The following CDH9 variants were observed in gnomAD, a reference collection of about 807,000 sequenced individuals.
CDH9 encodes the protein cadherin-9.
CDH9 carries 28 observed loss-of-function variants against 70.9 expected under a neutral mutation model. That is an observed-to-expected ratio of 0.40 (90% CI 0.29 to 0.54). CDH9 has a LOEUF of 0.54. CDH9 is among the 20% of genes least tolerant of loss of function. The pLI, the probability that CDH9 is intolerant of heterozygous loss-of-function variation, is 0.59. For synonymous variants in CDH9, 409 were observed against 343.1 expected, an observed-to-expected ratio of 1.19 and a Z score of -2.12; for missense variants, 874 against 984.4, an observed-to-expected ratio of 0.89 and a Z score of 1.50.
In CDH9 at chr5:26,927,431, G is replaced by A. The variant is rs570079786; in HGVS notation, c.229-11507C>T. Among the ~76,000 whole-genome samples, 18 of 151,924 alleles carry A rather than the reference G, an allele frequency of 1.2e-4. 1 individual carries two copies. The East Asian group carries it at 2.3e-3, about 20-fold the overall frequency. On this transcript the variant is annotated intron_variant, in intron 2 of 11. Transcript: ENST00000231021. ...GAAAGACATAAATGGCATCCAATGC[G>A]GATGCCATTATAATTAGGATAGCTT...
chr5:27,006,419 T>C (rs1034688669), intron 1 of CDH9, among the ~76,000 whole-genome samples: 1 of 152,018 alleles, frequency 6.6e-6, no homozygotes, highest in Admixed American at 6.6e-5. Context: ...AGGCAGGAGA[T>C]CAAGGGTAGG....
intron 1 of CDH9, among the ~76,000 whole-genome samples, chr5:27,026,409 TC>T (rs1232790234): frequency 6.6e-6 from 1 of 151,924 alleles, no homozygotes; most frequent in Non-Finnish European, 1.5e-5. Flanking sequence ...TATTTCCTTC[TC>T]CTCATTTGGA....
At chr5:27,010,178 T>G (rs1742932840) in intron 1 of CDH9, among the ~76,000 whole-genome samples, 1 of 152,140 alleles carries the variant, frequency 6.6e-6, no homozygotes, top group South Asian at 2.1e-4. Flanking sequence ...ATTTTGTTTT[T>G]CATTTGAAAT....
intron 2 of CDH9, among the ~76,000 whole-genome samples, chr5:26,985,657 C>T (rs1392039213): frequency 3.3e-5 from 5 of 151,978 alleles, no homozygotes; most frequent in African/African-American, 1.2e-4. Context: ...TATAAAGAAA[C>T]CATGTAAATT....
intron 1 of CDH9, among the ~76,000 whole-genome samples, chr5:26,993,996 G>A (rs989256229): frequency 6.6e-5 from 10 of 152,104 alleles, no homozygotes; most frequent in Non-Finnish European, 1.2e-4. Context: ...AGTTTGCCTT[G>A]TTGGGTTTTA....
chr5:26,926,391 G>C lies in CDH9; in HGVS notation c.229-10467C>G, dbSNP rs541217391. Among the ~76,000 whole-genome samples the C allele has an allele frequency of 4.6e-5, 7 of 152,240 alleles. 1 individual carries two copies. In the South Asian group the frequency reaches 1.5e-3, roughly 32 times the overall value. On this transcript the variant is annotated intron_variant, in intron 2 of 11. Coordinates refer to ENST00000231021, the MANE Select transcript of CDH9 (RefSeq NM_016279.4). ...TAGGAATCCAACCTACAAGGGATTT[G>C]AAGGACTTCTTCAAGGAAAACTACA...
intron 11 of CDH9, among the ~76,000 whole-genome samples, chr5:26,883,041 T>TTAGAGATATATATATA (rs1221330777): frequency 5.2e-5 from 3 of 58,040 alleles, no homozygotes; most frequent in Non-Finnish European, 9.8e-5. Flanking sequence ...CAGGATCATC[T>TTAGAGATATATATATA]TATATATATA....
At chr5:26,987,497 C>A (rs1232797695) in intron 2 of CDH9, among the ~76,000 whole-genome samples, 1 of 151,908 alleles carries the variant, frequency 6.6e-6, no homozygotes, top group Non-Finnish European at 1.5e-5. Flanking sequence ...GAAAGAGAGG[C>A]AATGAATCTG....
At position 26,920,375 on chromosome 5, in the gene CDH9, G is replaced by C. The variant is rs548338008; in HGVS notation, c.229-4451C>G. 1.7e-4 allele frequency among the ~76,000 whole-genome samples: 26 copies of C among 152,070 alleles called. No individual in the cohort carries two copies. In the South Asian group the frequency reaches 5.4e-3, roughly 32 times the overall value. ...GTAGAGAACCCACACAGATTTATAA[G>C]GTTCCTGACTTCAGGTCTTGGATAT... On this transcript the variant is annotated intron_variant, in intron 2 of 11. Transcript: ENST00000231021.
chr5:26,906,453 C>A (rs1041838014), intron 4 of CDH9, among the ~76,000 whole-genome samples: 12 of 151,854 alleles, frequency 7.9e-5, no homozygotes, highest in African/African-American at 2.7e-4. Context: ...TTCTCTATGC[C>A]ACATAATGTG....
chr5:26,949,708 AT>A (rs1442708164), intron 2 of CDH9, among the ~76,000 whole-genome samples: 2 of 152,216 alleles, frequency 1.3e-5, no homozygotes, highest in Non-Finnish European at 2.9e-5. Flanking sequence ...TAGGACTGAA[AT>A]AACATTCCTA....
At chr5:26,964,941 T>C (rs1007866034) in intron 2 of CDH9, among the ~76,000 whole-genome samples, 2 of 152,102 alleles carry the variant, frequency 1.3e-5, no homozygotes, top group African/African-American at 2.4e-5. Context: ...CTATATACTG[T>C]TATACTTAAG....
At chr5:26,882,601 A>G (rs1740485542) in intron 11 of CDH9, among the ~76,000 whole-genome samples, 1 of 152,072 alleles carries the variant, frequency 6.6e-6, no homozygotes, top group African/African-American at 2.4e-5. Context: ...TCCATTAAAG[A>G]TTGCACAAGC....
intron 1 of CDH9, among the ~76,000 whole-genome samples, chr5:27,005,997 G>A (rs1367623302): frequency 2.0e-5 from 3 of 151,880 alleles, no homozygotes; most frequent in Admixed American, 6.6e-5. Context: ...AGAAGGAAAC[G>A]ACAGACAATA....
chr5:26,993,038 G>C (rs145115595), intron 1 of CDH9, among the ~76,000 whole-genome samples: 43 of 150,182 alleles, frequency 2.9e-4, no homozygotes, highest in Non-Finnish European at 5.3e-4. Flanking sequence ...GGAAGTTGCA[G>C]TGAGCCCAGA....
intron 7 of CDH9, among the ~76,000 whole-genome samples, chr5:26,892,648 T>G (rs778301970): frequency 6.6e-5 from 10 of 152,330 alleles, no homozygotes; most frequent in Non-Finnish European, 1.3e-4. Flanking sequence ...CACAGTTTGG[T>G]GCTGGCTTTG....
At chr5:26,909,107 C>T (rs1288824670) in intron 3 of CDH9, among the ~76,000 whole-genome samples, 1 of 152,042 alleles carries the variant, frequency 6.6e-6, no homozygotes, top group African/African-American at 2.4e-5. Context: ...CCTCAGCCTC[C>T]CGAGTAGCTG....
chr5:26,923,223 T>C (rs192296647), intron 2 of CDH9, among the ~76,000 whole-genome samples: 338 of 146,304 alleles, frequency 2.3e-3, no homozygotes, highest in Non-Finnish European at 3.7e-3. Context: ...AAAAACGTAT[T>C]CTATGCCAGT....
At position 26,903,198 on chromosome 5, in the gene CDH9, A is replaced by G. The variant is rs1026513206; in HGVS notation, c.999+439T>C. On this transcript the variant is annotated intron_variant, in intron 6 of 11. Coordinates refer to ENST00000231021, the MANE Select transcript of CDH9 (RefSeq NM_016279.4). Reference sequence around the variant, plus strand: ...TGATAATATTGAGCTCTATTATTAGATGTAAAGATTAAGAATGTTCTCCCA... The same window carrying G: ...TGATAATATTGAGCTCTATTATTAGGTGTAAAGATTAAGAATGTTCTCCCA... 4.2e-5 allele frequency: 12 copies of G among 283,458 alleles called. No individual in the cohort carries two copies. The Admixed American group carries it at 5.9e-4, about 14-fold the overall frequency. The allele number at this position is 283,458 out of a possible 1,614,324, so 17.6% of individuals were successfully genotyped here. A position where few individuals can be genotyped will look rare whatever the true frequency, so the allele number is the denominator to read the frequency against.
Sources: allele counts gnomAD v4.1 joint callset (sites outside exome capture counted in the v4.1 genomes callset), GRCh38; gene constraint gnomAD v4.1.1; transcripts MANE v1.5; gene names NCBI Gene and HGNC (gene_info 2026-07-23, HGNC 2026-07-21).